Variants in ARHGAP44 observed in about 807,000 individuals in gnomAD.
ARHGAP44 encodes Rho GTPase activating protein 44.
ARHGAP44 carries 43 observed loss-of-function variants against 106.8 expected under a neutral mutation model. The observed-to-expected ratio is 0.40, with a 90% confidence interval of 0.32 to 0.52. The LOEUF is 0.52. Among genes scored for constraint, ARHGAP44 ranks in the 20% least tolerant of loss-of-function variants. ARHGAP44 has a pLI of 0.48. For synonymous variants in ARHGAP44, 439 were observed against 410.3 expected, an observed-to-expected ratio of 1.07 and a Z score of -0.85; for missense variants, 866 against 1,050.5, an observed-to-expected ratio of 0.82 and a Z score of 2.43.
chr17:12,951,897 T>C (rs2038999885), intron 12 of ARHGAP44, among the ~76,000 whole-genome samples: 1 of 152,078 alleles, frequency 6.6e-6, no homozygotes, highest in African/African-American at 2.4e-5. Context: ...GGCTATTGGG[T>C]TGATAACCTA....
intron 5 of ARHGAP44, among the ~76,000 whole-genome samples, chr17:12,917,514 C>G (rs1002123536): frequency 1.3e-5 from 2 of 152,168 alleles, no homozygotes; most frequent in East Asian, 1.9e-4. Context: ...AATCCTCCTT[C>G]TTCCACCTGT....
intron 3 of ARHGAP44, among the ~76,000 whole-genome samples, chr17:12,897,438 T>C (rs1323756607): frequency 6.6e-6 from 1 of 151,848 alleles, no homozygotes; most frequent in Non-Finnish European, 1.5e-5. Context: ...TCATTTCTTT[T>C]TTTTTTTTTT....
At chr17:12,942,042 A>G (rs2150981875) in intron 8 of ARHGAP44, among the ~76,000 whole-genome samples, 1 of 152,324 alleles carries the variant, frequency 6.6e-6, no homozygotes, top group South Asian at 2.1e-4. Context: ...GCTGTTAGAA[A>G]TTTTCCAACA....
chr17:12,923,251 C>T (rs1250979534), intron 6 of ARHGAP44, among the ~76,000 whole-genome samples: 4 of 151,966 alleles, frequency 2.6e-5, no homozygotes, highest in South Asian at 2.1e-4. Context: ...GCTCTTGTTG[C>T]CCAGGCTAGA....
intron 20 of ARHGAP44, among the ~76,000 whole-genome samples, chr17:12,989,574 A>G (rs1480489258): frequency 6.6e-6 from 1 of 152,174 alleles, no homozygotes; most frequent in Non-Finnish European, 1.5e-5. Flanking sequence ...GCTGTTTCTT[A>G]GAGTGAGGAC....
intron 1 of ARHGAP44, among the ~76,000 whole-genome samples, chr17:12,802,753 C>CTTTTTTTTTTTTT (rs869172678): frequency 1.5e-4 from 16 of 108,700 alleles, no homozygotes; most frequent in East Asian, 6.5e-4. Context: ...TTTTTTATTT[C>CTTTTTTTTTTTTT]TTTTTTTTTT....
intron 1 of ARHGAP44, among the ~76,000 whole-genome samples, chr17:12,858,193 CTA>C (rs1196825299): frequency 1.3e-5 from 2 of 152,204 alleles, no homozygotes; most frequent in Non-Finnish European, 2.9e-5. Context: ...ACCACGTCTG[CTA>C]TTCTGAAGAC....
chr17:12,883,387 AT>A (rs2036794351), intron 1 of ARHGAP44, among the ~76,000 whole-genome samples: 1 of 149,020 alleles, frequency 6.7e-6, no homozygotes, highest in African/African-American at 2.5e-5. Context: ...TTCTTTTTTT[AT>A]TGTTTTTTCT....
At chr17:12,973,505 C>G (rs1039190494) in intron 17 of ARHGAP44, 186 bp downstream of exon 17, 1 of 643,410 alleles carries the variant, frequency 1.6e-6, no homozygotes, top group Admixed American at 2.8e-5. Context: ...ACAAGCAGCC[C>G]CTTCCCTGCT....
intron 6 of ARHGAP44, among the ~76,000 whole-genome samples, chr17:12,923,599 G>A (rs1173309198): frequency 6.6e-6 from 1 of 152,122 alleles, no homozygotes; most frequent in Non-Finnish European, 1.5e-5. Context: ...TAACCGTGGC[G>A]GGAGATCTAA....
rs148064859 is a variant in ARHGAP44 at position 12,808,335 on chromosome 17, C to T, written c.53+18444C>T. On this transcript the variant is annotated intron_variant, in intron 1 of 20. Coordinates refer to ENST00000379672, the MANE Select transcript of ARHGAP44 (RefSeq NM_014859.6). ...CCCAGTGGGCACTCTGTGTGGGGCT[C>T]GAACCCCACATTTCCCTTCCATACT... Among the ~76,000 whole-genome samples the T allele has an allele frequency of 1.1e-4, 17 of 152,350 alleles. No individual in the cohort carries two copies. In the East Asian group the frequency reaches 2.1e-3, roughly 19 times the overall value.
chr17:12,825,337 C>T (rs199527018), intron 1 of ARHGAP44, among the ~76,000 whole-genome samples: 2,666 of 151,906 alleles, frequency 0.018, 80 homozygotes, highest in African/African-American at 0.062. Flanking sequence ...GCTCCCAGCC[C>T]TTGATTACTA....
intron 1 of ARHGAP44, among the ~76,000 whole-genome samples, chr17:12,834,155 C>T (rs942692663): frequency 6.6e-6 from 1 of 151,976 alleles, no homozygotes; most frequent in Non-Finnish European, 1.5e-5. Context: ...TTGGTTTATG[C>T]GTTGCTTTTT....
chr17:12,979,900 G>T (rs905535427), intron 18 of ARHGAP44, among the ~76,000 whole-genome samples, 158 bp from the exon 19 acceptor site: 2 of 152,226 alleles, frequency 1.3e-5, no homozygotes, highest in African/African-American at 4.8e-5. Flanking sequence ...CACCCCAAGG[G>T]GCACCTGCGA....
At chr17:12,968,069 C>A (rs1021436785) in intron 16 of ARHGAP44, among the ~76,000 whole-genome samples, 1 of 152,166 alleles carries the variant, frequency 6.6e-6, no homozygotes, top group African/African-American at 2.4e-5. Context: ...GTGTTTAGAG[C>A]AAAGCTCAGC....
At chr17:12,931,841 TACACACACACACACACACAC>T (rs10522083) in intron 7 of ARHGAP44, among the ~76,000 whole-genome samples, 1 of 146,304 alleles carries the variant, frequency 6.8e-6, no homozygotes, top group Non-Finnish European at 1.5e-5. Context: ...ACAGTAGGGA[TACACACACACACACACACAC>T]ACACACACAC....
At chr17:12,926,226 A>G (rs1248665177) in intron 6 of ARHGAP44, among the ~76,000 whole-genome samples, 3 of 151,768 alleles carry the variant, frequency 2.0e-5, no homozygotes, top group Non-Finnish European at 2.9e-5. Context: ...TTAGCTGGGC[A>G]TGGTGGCATG....
chr17:12,903,593 A>G (rs1440780423), intron 3 of ARHGAP44, among the ~76,000 whole-genome samples: 1 of 152,136 alleles, frequency 6.6e-6, no homozygotes, highest in Non-Finnish European at 1.5e-5. Flanking sequence ...CCTTTTAAAA[A>G]ATTTTTAATT....
chr17:12,964,743 C>T (rs2039349419), intron 16 of ARHGAP44, among the ~76,000 whole-genome samples: 1 of 152,048 alleles, frequency 6.6e-6, no homozygotes, highest in Admixed American at 6.5e-5. Flanking sequence ...GCCAAGATCG[C>T]ACCACTGCAG....
Sources: gnomAD v4.1 joint callset for allele counts (sites outside exome capture counted in the v4.1 genomes callset) on GRCh38, gnomAD v4.1.1 for gene constraint, MANE v1.5 for transcripts, NCBI Gene and HGNC (gene_info 2026-07-23, HGNC 2026-07-21) for gene names.